SGMS1: variants seen among roughly 807,000 people sequenced by gnomAD.
SGMS1 encodes the protein sphingomyelin synthase 1.
In SGMS1, 13 loss-of-function variants were observed where a neutral mutation model predicts 46.2. The observed-to-expected ratio is 0.28, with a 90% CI of 0.18 to 0.45. The LOEUF is 0.45. SGMS1 is among the 20% of genes least tolerant of loss of function. The pLI is 1.00. For missense variants in SGMS1, 324 were observed against 519.9 expected, an observed-to-expected ratio of 0.62 and a Z score of 3.66; for synonymous variants, 203 against 187.8, an observed-to-expected ratio of 1.08 and a Z score of -0.66.
intron 2 of SGMS1, among the ~76,000 whole-genome samples, chr10:50,536,387 A>C (rs1884570): frequency 1.3e-5 from 2 of 152,128 alleles, no homozygotes; most frequent in East Asian, 3.9e-4. Context: ...GAATAAACCT[A>C]TCAGAAATAT....
At chr10:50,584,441 G>C (rs1230713463) in intron 2 of SGMS1, among the ~76,000 whole-genome samples, 2 of 142,066 alleles carry the variant, frequency 1.4e-5, no homozygotes, top group African/African-American at 5.2e-5. Flanking sequence ...AGAGGTTGTA[G>C]TAAGCGGAGA....
chr10:50,613,917 T>C (rs1343299047), intron 1 of SGMS1, among the ~76,000 whole-genome samples: 3 of 152,230 alleles, frequency 2.0e-5, no homozygotes, highest in Non-Finnish European at 4.4e-5. Context: ...ATTGTAGCTA[T>C]GTGACCTCGT....
At chr10:50,482,594 C>A (rs1248894918) in intron 3 of SGMS1, among the ~76,000 whole-genome samples, 4 of 152,186 alleles carry the variant, frequency 2.6e-5, no homozygotes, top group African/African-American at 4.8e-5. Context: ...CAAAATCACA[C>A]TGAAGTACAC....
At chr10:50,332,399 T>G (rs1187762313) in intron 7 of SGMS1, among the ~76,000 whole-genome samples, 1 of 152,066 alleles carries the variant, frequency 6.6e-6, no homozygotes, top group Non-Finnish European at 1.5e-5. Flanking sequence ...CTCCTCTCTA[T>G]CCTATCCTTC....
At chr10:50,338,068 G>T (rs1257900523) in intron 7 of SGMS1, among the ~76,000 whole-genome samples, 4 of 152,118 alleles carry the variant, frequency 2.6e-5, no homozygotes, top group Non-Finnish European at 4.4e-5. Flanking sequence ...GCCATGGCAG[G>T]TCCCAAGCAG....
rs779446046 is a variant in SGMS1, at chr10:50,344,021, T to G, written c.94A>C (p.Thr32Pro). 1 of 1,614,142 alleles carries G rather than the reference T, an allele frequency of 6.2e-7. No homozygotes were observed. The highest frequency in any genetic ancestry group is 8.5e-7 in the Non-Finnish European group (1 of 1,180,032). The change falls in exon 7 of 11, where the codon ACA becomes CCA. Residue 32 changes from threonine (T) to proline (P), a missense_variant. Thr to Pro is a conservative substitution (Grantham distance 38, BLOSUM62 -1). This residue lies in a region of SGMS1 where 150 missense variants were observed against 169.8 expected (regional missense o/e 0.88). Coordinates refer to ENST00000361781, the MANE Select transcript of SGMS1 (RefSeq NM_147156.4). ...PEYCEPLEHFTGQDLINLTQE... is the reference protein window; with the variant it reads ...PEYCEPLEHFPGQDLINLTQE... ...GTTAGGTTGATCAAGTCCTGGCCTGTGAAATGCTCCAGAGGCTCACAGTAT... is the reference window on the plus strand; with the variant it reads ...GTTAGGTTGATCAAGTCCTGGCCTGGGAAATGCTCCAGAGGCTCACAGTAT...
At chr10:50,338,547 A>T (rs551448707) in intron 7 of SGMS1, among the ~76,000 whole-genome samples, 1 of 152,004 alleles carries the variant, frequency 6.6e-6, no homozygotes, top group South Asian at 2.1e-4. Context: ...ATTCACAGAG[A>T]CCCCCAAAAA....
At chr10:50,370,476 C>T (rs190646550) in intron 6 of SGMS1, among the ~76,000 whole-genome samples, 2 of 150,514 alleles carry the variant, frequency 1.3e-5, no homozygotes, top group Admixed American at 1.3e-4. Context: ...GGCATGGTGG[C>T]TCACACCTGT....
rs1847190788 is a variant in SGMS1, at chr10:50,307,145, T to G, written c.1239A>C (p.Thr413=). ...QVKYSRLVND[T] ...TTTTCCCCACTTTGTACAGCTGTTATGTGTCATTCACCAGCCGGCTGTATT... is the reference window on the plus strand; with the variant it reads ...TTTTCCCCACTTTGTACAGCTGTTAGGTGTCATTCACCAGCCGGCTGTATT... The change falls in exon 11 of 11, where the codon ACA becomes ACC. Residue 413 remains threonine (T), a synonymous_variant. Coordinates refer to ENST00000361781, the MANE Select transcript of SGMS1 (RefSeq NM_147156.4). The surrounding 1 kb of genome is among the most constrained non-coding windows in gnomAD (Gnocchi z 4.2). 2 of 1,613,872 alleles carry G rather than the reference T, an allele frequency of 1.2e-6. No homozygotes were observed. Among genetic ancestry groups the G allele is most frequent in the Non-Finnish European group, 1.7e-6 (2 of 1,179,880 alleles).
chr10:50,578,958 G>A (rs779831193), intron 2 of SGMS1, among the ~76,000 whole-genome samples: 92 of 151,822 alleles, frequency 6.1e-4, no homozygotes, highest in Non-Finnish European at 5.0e-4. Flanking sequence ...AATCATGAAT[G>A]GACATTCAAA....
chr10:50,596,811 T>C (rs1838599245), intron 1 of SGMS1, among the ~76,000 whole-genome samples: 1 of 152,168 alleles, frequency 6.6e-6, no homozygotes, highest in South Asian at 2.1e-4. Flanking sequence ...TCAACAACCC[T>C]GAGAGAACAT....
At position 50,306,679 on chromosome 10, in the gene SGMS1, C is replaced by A. The variant is rs1393109423; in HGVS notation, c.*463G>T. ...CAGGTAGAAAGATTTCAGAATCAAA[C>A]CCCATTCAGGTACTTAGAAACCTTC... On this transcript the variant is annotated 3_prime_UTR_variant, in exon 11 of 11. Transcript: ENST00000361781. 1 of 152,914 alleles carries A rather than the reference C, an allele frequency of 6.5e-6. No individual in the cohort carries two copies. Among genetic ancestry groups the A allele is most frequent in the East Asian group, 1.9e-4 (1 of 5,338 alleles). 9.5% of individuals were successfully genotyped at this position (152,914 alleles called of 1,614,324 possible). A position where few individuals can be genotyped will look rare whatever the true frequency, so the allele number is the denominator to read the frequency against.
chr10:50,529,840 T>C (rs1040461069), intron 2 of SGMS1, among the ~76,000 whole-genome samples: 7 of 152,160 alleles, frequency 4.6e-5, no homozygotes, highest in South Asian at 2.1e-4. Context: ...TACCATACAA[T>C]TGGTGCTTTT....
intron 6 of SGMS1, among the ~76,000 whole-genome samples, chr10:50,413,471 T>C (rs1209290478): frequency 6.6e-6 from 1 of 152,222 alleles, no homozygotes; most frequent in Non-Finnish European, 1.5e-5. Context: ...GGCATTCAAA[T>C]GTCAGAAACA....
At chr10:50,489,971 C>A (rs1193396666) in intron 3 of SGMS1, among the ~76,000 whole-genome samples, 3 of 151,946 alleles carry the variant, frequency 2.0e-5, no homozygotes, top group Non-Finnish European at 4.4e-5. Flanking sequence ...GAGACTCCAT[C>A]TCAAAAAATA....
chr10:50,450,287 G>A (rs1475387253), intron 5 of SGMS1, among the ~76,000 whole-genome samples: 1 of 152,126 alleles, frequency 6.6e-6, no homozygotes, highest in African/African-American at 2.4e-5. Flanking sequence ...AGCAGATTAA[G>A]GATTACAAGT....
At chr10:50,552,681 C>T (rs925770595) in intron 2 of SGMS1, among the ~76,000 whole-genome samples, 1 of 152,166 alleles carries the variant, frequency 6.6e-6, no homozygotes, top group Non-Finnish European at 1.5e-5. Context: ...AATAGTGCCC[C>T]GTCCCCCGCC....
chr10:50,310,381 T>C lies in SGMS1; in HGVS notation c.895+881A>G, dbSNP rs78926661. On this transcript the variant is annotated intron_variant, in intron 9 of 10. Transcript: ENST00000361781. The stretch of plus-strand genomic sequence containing the variant: ...ATAAAATTTTCCATAAGTAGAGAAA[T>C]GAATAAATATGTGTAGTTCATTTCT... Among the ~76,000 whole-genome samples the C allele has an allele frequency of 0.032, 4,934 of 152,266 alleles. 459 individuals are homozygous for C. In the East Asian group the frequency reaches 0.35, roughly 11 times the overall value.
chr10:50,521,426 C>T (rs1837855872), intron 2 of SGMS1, among the ~76,000 whole-genome samples: 1 of 152,234 alleles, frequency 6.6e-6, no homozygotes, highest in Non-Finnish European at 1.5e-5. Flanking sequence ...TACATAACCA[C>T]AATATAGCTA....
Sources: gnomAD v4.1 joint callset for allele counts (sites outside exome capture counted in the v4.1 genomes callset) on GRCh38, gnomAD v4.1.1 for gene constraint, gnomAD v4.1.1 regional missense constraint, Gnocchi (gnomAD v3.1) non-coding constraint, MANE v1.5 for transcripts, NCBI Gene and HGNC (gene_info 2026-07-23, HGNC 2026-07-21) for gene names.